PPIP5K1: variants seen among roughly 807,000 people sequenced by gnomAD.
PPIP5K1 encodes the protein inositol hexakisphosphate and diphosphoinositol-pentakisphosphate kinase 1.
A neutral mutation model predicts 27.7 loss-of-function variants in PPIP5K1; 6 were observed. The ratio of observed to expected loss-of-function variants is 0.22; its 90% confidence interval spans 0.12 to 0.43. The LOEUF is 0.43. Ranked by LOEUF, PPIP5K1 falls within the 20% of genes least tolerant of loss-of-function variation. The pLI is 1.00. For missense variants in PPIP5K1, 394 were observed against 635.4 expected, an observed-to-expected ratio of 0.62 and a Z score of 4.08; for synonymous variants, 145 against 242.6, an observed-to-expected ratio of 0.60 and a Z score of 3.74.
At chr15:43,540,984 C>T (rs1419156918) in intron 30 of PPIP5K1, among the ~76,000 whole-genome samples, 1 of 152,056 alleles carries the variant, frequency 6.6e-6, no homozygotes, top group Non-Finnish European at 1.5e-5. Flanking sequence ...ATTCAATACC[C>T]AGTCCATATT....
rs1176989788 is a variant in PPIP5K1, at chr15:43,558,949, G to A, written c.3419-17C>T. On this transcript the variant is annotated splice_polypyrimidine_tract_variant and intron_variant, in intron 29 of 31. Transcript: ENST00000420765. ...CTTCAAACCCTGTTTGAAAAGAGAT[G>A]GGCAAAGTCAATGTTACTCCTGCCA... 4 of 1,612,184 alleles carry A rather than the reference G, an allele frequency of 2.5e-6. No homozygotes were observed. Among genetic ancestry groups the A allele is most frequent in the Non-Finnish European group, 2.5e-6 (3 of 1,179,828 alleles).
intron 29 of PPIP5K1, among the ~76,000 whole-genome samples, chr15:43,559,478 A>T (rs1256302359): frequency 4.6e-5 from 7 of 152,204 alleles, no homozygotes; most frequent in Non-Finnish European, 8.8e-5. Context: ...AGGGCATGCA[A>T]TACACATGAA....
chr15:43,549,537 T>C (rs2081934120), intron 30 of PPIP5K1, among the ~76,000 whole-genome samples: 1 of 152,070 alleles, frequency 6.6e-6, no homozygotes, highest in Admixed American at 6.5e-5. Context: ...CCTGTGGTCC[T>C]ACCTACTTGG....
intron 30 of PPIP5K1, among the ~76,000 whole-genome samples, chr15:43,542,646 C>CTG (rs1389315291): frequency 2.1e-5 from 2 of 95,656 alleles, no homozygotes; most frequent in African/African-American, 3.0e-5. Context: ...TATATATATT[C>CTG]AGTGTGTGTG....
At chr15:43,542,647 AGTGTGTGTGTGT>A (rs56361192) in intron 30 of PPIP5K1, among the ~76,000 whole-genome samples, 215 of 121,368 alleles carry the variant, frequency 1.8e-3, no homozygotes, top group East Asian at 1.8e-3. Flanking sequence ...ATATATATTC[AGTGTGTGTGTGT>A]GTGTGTGTGT....
At chr15:43,559,322 G>A (rs1410074988) in intron 29 of PPIP5K1, among the ~76,000 whole-genome samples, 3 of 152,234 alleles carry the variant, frequency 2.0e-5, no homozygotes, top group Admixed American at 2.0e-4. Context: ...ATGAGATAGG[G>A]AGGTCAGGGA....
rs753524974 is a variant in PPIP5K1, at chr15:43,558,931, C to T, written c.3420G>A (p.Gly1140=). ...TAGGCACCATGGAACACCCTTCAAA[C>T]CCTGTTTGAAAAGAGATGGGCAAAG... The part of the protein sequence containing the change: ...SGQDDPECLY[G]FEGCSMVPTI... The change falls in exon 30 of 32, where the codon GGG becomes GGA. Residue 1140 remains glycine (G), a splice_region_variant and synonymous_variant. Coordinates refer to ENST00000420765, the MANE Select transcript of PPIP5K1 (RefSeq NM_001394395.1). 3 of 1,613,338 alleles carry T rather than the reference C, an allele frequency of 1.9e-6. No individual in the cohort carries two copies. The South Asian group carries it at 3.3e-5, about 18-fold the overall frequency.
At chr15:43,572,701 G>GTT (rs879092116) in intron 23 of PPIP5K1, 68 bp downstream of exon 23, 590 of 470,568 alleles carry the variant, frequency 1.3e-3, no homozygotes, top group East Asian at 2.8e-3. Flanking sequence ...GGATAAGCAA[G>GTT]TTTTTTTTTT....
Position 43,545,953 on chromosome 15 carries a change from A to G in PPIP5K1, c.3557-6370T>C, listed in dbSNP as rs147665032. 4.4e-3 allele frequency among the ~76,000 whole-genome samples: 665 copies of G among 152,034 alleles called. 6 individuals are homozygous for G. The highest frequency in any genetic ancestry group is 0.015 in the African/African-American group (628 of 41,464). ...GAAGTCAATCCCGGCTGCTCTGCCT[A>G]TGGAGCAGCCATTCTTTTATTCCTT... On this transcript the variant is annotated intron_variant, in intron 30 of 31. Transcript: ENST00000420765.
intron 30 of PPIP5K1, 37 bp downstream of exon 30, chr15:43,558,758 G>A (rs1253812260): frequency 6.2e-7 from 1 of 1,610,274 alleles, no homozygotes; most frequent in Non-Finnish European, 8.5e-7. Context: ...TGGGCATGGG[G>A]GCAGAGAGAA....
intron 11 of PPIP5K1, among the ~76,000 whole-genome samples, chr15:43,578,535 CAAAAAAAAAAAAAA>C (rs150737493): frequency 3.4e-5 from 1 of 29,606 alleles, no homozygotes; most frequent in African/African-American, 8.5e-5. Context: ...GATCCTGTCG[CAAAAAAAAAAAAAA>C]AAAAAAAAAA....
chr15:43,555,245 A>C (rs530115414), intron 30 of PPIP5K1, among the ~76,000 whole-genome samples: 1 of 152,180 alleles, frequency 6.6e-6, no homozygotes, highest in South Asian at 2.1e-4. Flanking sequence ...TAGTCTTTCA[A>C]TTAGAAAACT....
intron 30 of PPIP5K1, among the ~76,000 whole-genome samples, chr15:43,540,696 CAAA>C (rs879456184): frequency 7.9e-6 from 1 of 127,292 alleles, no homozygotes. Flanking sequence ...GACTCTGTCT[CAAA>C]AAAAAAAAAA....
intron 10 of PPIP5K1, among the ~76,000 whole-genome samples, chr15:43,580,697 C>A (rs948481022): frequency 3.4e-5 from 3 of 87,128 alleles, no homozygotes; most frequent in African/African-American, 2.3e-4. Context: ...TGCGTTCAAG[C>A]GATTCTCCTG....
chr15:43,558,887 G>A lies in PPIP5K1; in HGVS notation c.3464C>T (p.Thr1155Ile). The A allele has an allele frequency of 6.2e-7, 1 of 1,614,042 alleles. No individual in the cohort carries two copies. The highest frequency in any genetic ancestry group is 8.5e-7 in the Non-Finnish European group (1 of 1,180,028). Residue 1155 changes from threonine to isoleucine, a missense_variant, in exon 30 of 32, where the codon ACA becomes ATA. Transcript: ENST00000420765. ...ACGTAGGGAAAGGGCATTATGCAGTGTTTCCAGAGGGTAGATGGTAGGCAC... is the reference window on the plus strand; with the variant it reads ...ACGTAGGGAAAGGGCATTATGCAGTATTTCCAGAGGGTAGATGGTAGGCAC... The part of the protein sequence containing the change: ...SMVPTIYPLE[T>I]LHNALSLRQV...
chr15:43,549,056 A>AATATATATATATATATATAC (rs2081846506), intron 30 of PPIP5K1, among the ~76,000 whole-genome samples: 1 of 54,286 alleles, frequency 1.8e-5, no homozygotes, highest in East Asian at 7.0e-4. Context: ...AAAAAAAAAA[A>AATATATATATATATATATAC]ATATATATAT....
chr15:43,558,028 A>G (rs988759499), intron 30 of PPIP5K1, among the ~76,000 whole-genome samples: 2 of 148,898 alleles, frequency 1.3e-5, no homozygotes, highest in Non-Finnish European at 3.0e-5. Flanking sequence ...TTCAGGAGTG[A>G]TATTTCTATG....
chr15:43,556,883 A>C (rs1198906145), intron 30 of PPIP5K1, among the ~76,000 whole-genome samples: 1 of 152,178 alleles, frequency 6.6e-6, no homozygotes, highest in Non-Finnish European at 1.5e-5. Flanking sequence ...TGCCATTTTT[A>C]GGTTGCCTCT....
At chr15:43,544,321 A>G (rs2081119883) in intron 30 of PPIP5K1, among the ~76,000 whole-genome samples, 1 of 152,134 alleles carries the variant, frequency 6.6e-6, no homozygotes, top group Admixed American at 6.5e-5. Flanking sequence ...TTAATAATAT[A>G]TCCTGGTGAT....
Sources: allele counts gnomAD v4.1 joint callset (sites outside exome capture counted in the v4.1 genomes callset), GRCh38; gene constraint gnomAD v4.1.1; transcripts MANE v1.5; gene names NCBI Gene and HGNC (gene_info 2026-07-23, HGNC 2026-07-21).